The following BANF2 variants were observed in gnomAD, a reference collection of about 807,000 sequenced individuals.
BANF2 encodes BANF family member 2.
In BANF2, 4 loss-of-function variants were observed where a neutral mutation model predicts 8.0. That is an observed-to-expected ratio of 0.50 (90% CI 0.25 to 1.14). The LOEUF (loss-of-function observed/expected upper bound fraction) is 1.14. Among genes scored for constraint, BANF2 ranks in the 50% most tolerant of loss-of-function variants. The pLI is 0.16. For missense variants in BANF2, 96 were observed against 107.5 expected, an observed-to-expected ratio of 0.89 and a Z score of 0.47; for synonymous variants, 50 against 40.6, an observed-to-expected ratio of 1.23 and a Z score of -0.88.
rs760618558 is a variant in BANF2 at position 17,725,024 on chromosome 20, A to G, written c.-2A>G. ...CCTCTCTCCCCACTGCTGTCGCAGG[A>G]GATGGACAACATGTCTCCCAGGCTG... is the stretch of plus-strand genomic sequence containing the variant. On this transcript the variant is annotated splice_region_variant and 5_prime_UTR_variant, in exon 3 of 4. Transcript: ENST00000246090. The G allele has an allele frequency of 9.3e-6, 15 of 1,605,842 alleles. No homozygotes were observed. Among genetic ancestry groups the G allele is most frequent in the Non-Finnish European group, 1.3e-5 (15 of 1,172,760 alleles).
At chr20:17,733,152 G>C (rs768549492) in intron 3 of BANF2, among the ~76,000 whole-genome samples, 3 of 152,242 alleles carry the variant, frequency 2.0e-5, no homozygotes, top group Admixed American at 6.5e-5. Flanking sequence ...GAGCCTGTGG[G>C]TATGTGGAGG....
chr20:17,720,498 A>G (rs1051046899), intron 1 of BANF2, among the ~76,000 whole-genome samples: 51 of 152,276 alleles, frequency 3.3e-4, no homozygotes, highest in Admixed American at 1.3e-4. Context: ...GACAGATATT[A>G]TATAATTCCA....
upstream of BANF2, among the ~76,000 whole-genome samples, chr20:17,699,505 G>T (rs1224479521): frequency 6.6e-6 from 1 of 152,126 alleles, no homozygotes; most frequent in African/African-American, 2.4e-5. Flanking sequence ...CTACCAGGTG[G>T]GCAGTAGGGG....
Position 17,721,517 on chromosome 20 carries a change from G to A in BANF2, c.-166-1199G>A, listed in dbSNP as rs191728591. Reference sequence around the variant, plus strand: ...AGCAATTCTCCTGCCTCAGCCTCCCGAGTAGTTGGGATTACAGGTGCACAC... The same window carrying A: ...AGCAATTCTCCTGCCTCAGCCTCCCAAGTAGTTGGGATTACAGGTGCACAC... On this transcript the variant is annotated intron_variant, in intron 1 of 3. Transcript: ENST00000246090. Among the ~76,000 whole-genome samples the A allele has an allele frequency of 7.1e-4, 108 of 151,746 alleles. 1 individual carries two copies. In the East Asian group the frequency reaches 0.018, roughly 25 times the overall value.
chr20:17,721,920 T>G (rs182259282), intron 1 of BANF2, among the ~76,000 whole-genome samples: 36 of 152,334 alleles, frequency 2.4e-4, no homozygotes, highest in African/African-American at 8.7e-4. Flanking sequence ...AGATAATTCT[T>G]TGTTGTGGGG....
chr20:17,722,883 G>C lies in BANF2; in HGVS notation c.-4+5G>C. ...GGAGCTCGACTCTGTAGAAAGGTCT[G>C]GAGGAGGATGGGGACAGGAGAGGGG... On this transcript the variant is annotated splice_donor_5th_base_variant and intron_variant, in intron 2 of 3. Coordinates refer to ENST00000246090, the MANE Select transcript of BANF2 (RefSeq NM_178477.5). The C allele has an allele frequency of 1.0e-6, 1 of 984,758 alleles. No individual in the cohort carries two copies. The highest frequency in any genetic ancestry group is 1.2e-6 in the Non-Finnish European group (1 of 829,256). The allele number at this position is 984,758 out of a possible 1,614,324, so 61.0% of individuals were successfully genotyped here.
upstream of BANF2, among the ~76,000 whole-genome samples, chr20:17,697,573 G>A (rs564094720): frequency 6.6e-6 from 1 of 152,184 alleles, no homozygotes; most frequent in Non-Finnish European, 1.5e-5. Context: ...TATTTACAAA[G>A]TCTTAGTTTG....
chr20:17,700,010 G>A lies in BANF2; in HGVS notation c.-212G>A. 1 of 985,490 alleles carries A rather than the reference G, an allele frequency of 1.0e-6. No individual in the cohort carries two copies. Among genetic ancestry groups the A allele is most frequent in the South Asian group, 4.7e-5 (1 of 21,294 alleles). 61.0% of individuals were successfully genotyped at this position (985,490 alleles called of 1,614,324 possible). ...TGGCCTGCAGTTCCAGATCCAAGGTGACTGAGACAAACTGCCAGCTGCCAC... is the reference window on the plus strand; with the variant it reads ...TGGCCTGCAGTTCCAGATCCAAGGTAACTGAGACAAACTGCCAGCTGCCAC... On this transcript the variant is annotated 5_prime_UTR_variant, in exon 1 of 4. Transcript: ENST00000246090.
upstream of BANF2, among the ~76,000 whole-genome samples, chr20:17,699,604 C>T (rs909435623): frequency 1.6e-4 from 24 of 152,200 alleles, no homozygotes; most frequent in African/African-American, 5.3e-4. Flanking sequence ...GGGGTACCCA[C>T]GGAAGTCACT....
At chr20:17,702,780 C>T (rs1264603171) in intron 1 of BANF2, among the ~76,000 whole-genome samples, 1 of 152,190 alleles carries the variant, frequency 6.6e-6, no homozygotes, top group Non-Finnish European at 1.5e-5. Flanking sequence ...CTGAGTTATT[C>T]TATAGCCATC....
Position 17,708,505 on chromosome 20 carries a change from CCA to C in BANF2, c.-167+8453_-167+8454del, listed in dbSNP as rs1305615419. 5.3e-5 allele frequency among the ~76,000 whole-genome samples: 8 copies of C among 152,168 alleles called. No individual in the cohort carries two copies. In the East Asian group the frequency reaches 1.5e-3, roughly 29 times the overall value. ...CTCAGAAGAGCCAGTCACATGGGAC[CCA>C]CATTCCAGAAAGGGGTGGCCTCCTT... is the stretch of plus-strand genomic sequence containing the variant. On this transcript the variant is annotated intron_variant, in intron 1 of 3. Coordinates refer to ENST00000246090, the MANE Select transcript of BANF2 (RefSeq NM_178477.5).
intron 2 of BANF2, 42 bp from the exon 3 acceptor site, chr20:17,724,981 C>A: frequency 6.3e-7 from 1 of 1,575,328 alleles, no homozygotes; most frequent in Non-Finnish European, 8.7e-7. Context: ...TGGGAGAAGT[C>A]AGGTATCTGC....
At chr20:17,734,741 G>GC (rs1600231876) in intron 3 of BANF2, among the ~76,000 whole-genome samples, 3 of 152,282 alleles carry the variant, frequency 2.0e-5, no homozygotes, top group Admixed American at 1.3e-4. Context: ...GCACAGGACA[G>GC]CCCCCCATAA....
At chr20:17,707,522 C>T (rs1053447178) in intron 1 of BANF2, among the ~76,000 whole-genome samples, 5 of 152,138 alleles carry the variant, frequency 3.3e-5, no homozygotes, top group Non-Finnish European at 7.4e-5. Context: ...AAGGTCAGAA[C>T]ATGTCCCAGG....
At chr20:17,697,774 C>T (rs1377613450), upstream of BANF2, among the ~76,000 whole-genome samples, 1 of 152,168 alleles carries the variant, frequency 6.6e-6, no homozygotes, top group African/African-American at 2.4e-5. Flanking sequence ...CCCTCCAAAT[C>T]TCACGTTGAA....
chr20:17,724,131 G>A (rs6080801), intron 2 of BANF2, among the ~76,000 whole-genome samples: 22,008 of 152,236 alleles, frequency 0.14, 1,637 homozygotes, highest in Middle Eastern at 0.28. Flanking sequence ...CAGGATGTTA[G>A]CTACCTCTGG....
chr20:17,711,346 A>G (rs2037569687), intron 1 of BANF2, among the ~76,000 whole-genome samples: 1 of 152,250 alleles, frequency 6.6e-6, no homozygotes, highest in Non-Finnish European at 1.5e-5. Flanking sequence ...AGTCAGTTAC[A>G]GATTCACTCT....
At chr20:17,714,254 A>T (rs917705337) in intron 1 of BANF2, among the ~76,000 whole-genome samples, 7 of 152,134 alleles carry the variant, frequency 4.6e-5, no homozygotes, top group African/African-American at 1.4e-4. Flanking sequence ...GGTGAAAAAA[A>T]ATACATCTAT....
At chr20:17,704,377 C>T (rs1461035734) in intron 1 of BANF2, among the ~76,000 whole-genome samples, 1 of 152,232 alleles carries the variant, frequency 6.6e-6, no homozygotes, top group Admixed American at 6.5e-5. Context: ...GTCAAAGCTG[C>T]AGGCCCACAG....
Sources: gnomAD v4.1 joint callset for allele counts (sites outside exome capture counted in the v4.1 genomes callset) on GRCh38, gnomAD v4.1.1 for gene constraint, MANE v1.5 for transcripts, NCBI Gene and HGNC (gene_info 2026-07-23, HGNC 2026-07-21) for gene names.